Variants in PCDHGB1 observed in about 807,000 individuals in gnomAD.
The protein encoded by PCDHGB1 is protocadherin gamma subfamily B, 1, also known as protocadherin gamma-B1.
Under a neutral mutation model 56.6 loss-of-function variants are expected in PCDHGB1, and 34 were observed. The observed-to-expected ratio is 0.60, with a 90% CI of 0.46 to 0.80. The LOEUF (loss-of-function observed/expected upper bound fraction) is 0.80. Among genes scored for constraint, PCDHGB1 ranks in the 30% least tolerant of loss-of-function variants. The pLI is 0.00. For missense variants in PCDHGB1, 1,278 were observed against 1,204.6 expected (o/e 1.06, Z -0.90); for synonymous variants, 561 against 505.9 (o/e 1.11, Z -1.46).
Position 141,413,600 on chromosome 5 carries a change from T to A in PCDHGB1, c.2409+60931T>A, listed in dbSNP as rs767830855. ...GCTCCAAAATTCCAAGCAGAAAATC[T>A]AGACGTAAAAATTAATGAAAATGTC... On this transcript the variant is annotated intron_variant, in intron 1 of 3. Transcript: ENST00000523390. 2.4e-5 allele frequency: 39 copies of A among 1,613,750 alleles called. No homozygotes were observed. Among genetic ancestry groups the A allele is most frequent in the Non-Finnish European group, 3.3e-5 (39 of 1,179,908 alleles).
intron 1 of PCDHGB1, among the ~76,000 whole-genome samples, chr5:141,463,527 G>C (rs12109431): frequency 1.5e-5 from 2 of 131,102 alleles, no homozygotes; most frequent in Non-Finnish European, 3.1e-5. Context: ...CGGCTTACTA[G>C]AAACTCCGGC....
At chr5:141,357,577 A>T (rs1202708968) in intron 1 of PCDHGB1, 1 of 1,614,198 alleles carries the variant, frequency 6.2e-7, no homozygotes, top group East Asian at 2.2e-5. Flanking sequence ...GCCTCTTCTG[A>T]TAACTCAGGA....
rs2099747616 is a variant in PCDHGB1 at position 141,493,318 on chromosome 5, TA to T, written c.2410-1487del. 6.6e-6 allele frequency among the ~76,000 whole-genome samples: 1 copy of T among 152,234 alleles called. No homozygotes were observed. Among genetic ancestry groups the T allele is most frequent in the South Asian group, 2.1e-4 (1 of 4,828 alleles). On this transcript the variant is annotated intron_variant, in intron 1 of 3. Coordinates refer to ENST00000523390, the MANE Select transcript of PCDHGB1 (RefSeq NM_018922.3). This position sits in a 1 kb window ranked among gnomAD's most constrained non-coding sequence, Gnocchi z 4.3. ...TTCACAGAGCAAGTAAGAGAGATTC[TA>T]ACCCCTGTCTAACTCCAGAATGTGT...
chr5:141,366,058 G>C, intron 1 of PCDHGB1: 2 of 1,614,242 alleles, frequency 1.2e-6, no homozygotes, highest in East Asian at 2.2e-5. Flanking sequence ...CGGGCGTGGA[G>C]CTGGCGCCTC....
rs999687684 is a variant in PCDHGB1 at position 141,431,598 on chromosome 5, C to G, written c.2410-63209C>G. 1 of 1,614,074 alleles carries G rather than the reference C, an allele frequency of 6.2e-7. No individual in the cohort carries two copies. The highest frequency in any genetic ancestry group is 1.3e-5 in the African/African-American group (1 of 74,938). On this transcript the variant is annotated intron_variant, in intron 1 of 3. Transcript: ENST00000523390. This position sits in a 1 kb window ranked among gnomAD's most constrained non-coding sequence, Gnocchi z 4.8. ...GGAGTCAATGCGGAAGTGAGGTATT[C>G]CTTCCGGTATGTGGACGACAAGGCG...
At chr5:141,413,330 T>C (rs770842309) in intron 1 of PCDHGB1, 1 of 1,613,930 alleles carries the variant, frequency 6.2e-7, no homozygotes. Context: ...GTGGGCAACA[T>C]CTCCAAGGAC....
chr5:141,394,435 C>T, intron 1 of PCDHGB1: 1 of 1,614,246 alleles, frequency 6.2e-7, no homozygotes, highest in Non-Finnish European at 8.5e-7. Flanking sequence ...GGGGACCCGC[C>T]CCTCAGCAGC....
At chr5:141,356,958 C>T in intron 1 of PCDHGB1, 1 of 1,614,256 alleles carries the variant, frequency 6.2e-7, no homozygotes, top group Non-Finnish European at 8.5e-7. Context: ...ATTCCGGCTA[C>T]CTGGTGACCA....
At chr5:141,415,477 C>T in intron 1 of PCDHGB1, 1 of 1,614,184 alleles carries the variant, frequency 6.2e-7, no homozygotes, top group Non-Finnish European at 8.5e-7. Flanking sequence ...CGCGGACTCG[C>T]GAAAGAGTCA....
intron 1 of PCDHGB1, chr5:141,389,400 AGCGC>A (rs2150385005): frequency 1.2e-6 from 2 of 1,613,622 alleles, no homozygotes; most frequent in African/African-American, 2.7e-5. Flanking sequence ...CGTGTCCATA[AGCGC>A]GGAGAGCGGG....
At chr5:141,451,238 T>A (rs1167769789) in intron 1 of PCDHGB1, among the ~76,000 whole-genome samples, 6 of 152,214 alleles carry the variant, frequency 3.9e-5, no homozygotes, top group African/African-American at 1.4e-4. Context: ...TATTATCTCA[T>A]AAATTTTGTG....
At chr5:141,386,206 G>A (rs931130731) in intron 1 of PCDHGB1, among the ~76,000 whole-genome samples, 2 of 152,116 alleles carry the variant, frequency 1.3e-5, no homozygotes, top group East Asian at 3.9e-4. Context: ...ACCAGTAGTT[G>A]ATTTTATTTA....
At chr5:141,395,586 G>C (rs1222744910) in intron 1 of PCDHGB1, 1 of 169,736 alleles carries the variant, frequency 5.9e-6, no homozygotes, top group African/African-American at 2.8e-5. Context: ...GTGTGTGTGT[G>C]TGTGTATCCC....
chr5:141,475,008 T>C (rs1292437400), intron 1 of PCDHGB1, among the ~76,000 whole-genome samples: 1 of 152,258 alleles, frequency 6.6e-6, no homozygotes, highest in Admixed American at 6.5e-5. Flanking sequence ...TGCAGAAAAG[T>C]TAAGGCTCTT....
At chr5:141,387,936 T>G (rs200817766) in intron 1 of PCDHGB1, 31,224 of 1,475,552 alleles carry the variant, frequency 0.021, 381 homozygotes, top group Non-Finnish European at 0.026. Flanking sequence ...GCCAGTGCTC[T>G]TTCTCTTCCT....
intron 1 of PCDHGB1, among the ~76,000 whole-genome samples, chr5:141,358,322 G>A (rs1185859053): frequency 6.6e-6 from 1 of 152,192 alleles, no homozygotes; most frequent in Non-Finnish European, 1.5e-5. Context: ...TCTTTCTCAT[G>A]AAGCTATTGT....
rs996556361 is a variant in PCDHGB1, at chr5:141,511,290, A to G, written c.*117A>G. 1.3e-6 allele frequency: 2 copies of G among 1,516,984 alleles called. No homozygotes were observed. The highest frequency in any genetic ancestry group is 1.8e-6 in the Non-Finnish European group (2 of 1,129,124). The allele number at this position is 1,516,984 out of a possible 1,614,324, so 94.0% of individuals were successfully genotyped here. ...AACCCCCAGAATACTGGTAGGGGCC[A>G]AGGCCATGCTCCCCTTGGGAAACAG... is the stretch of plus-strand genomic sequence containing the variant. On this transcript the variant is annotated 3_prime_UTR_variant, in exon 4 of 4. Coordinates refer to ENST00000523390, the MANE Select transcript of PCDHGB1 (RefSeq NM_018922.3).
At chr5:141,497,142 C>T (rs1316569011) in intron 2 of PCDHGB1, among the ~76,000 whole-genome samples, 2 of 149,678 alleles carry the variant, frequency 1.3e-5, no homozygotes, top group South Asian at 2.1e-4. Context: ...GCTGAGATCA[C>T]GAAAAAAAAA....
intron 2 of PCDHGB1, among the ~76,000 whole-genome samples, chr5:141,499,370 AT>A (rs932083472): frequency 2.0e-5 from 3 of 152,170 alleles, no homozygotes. Context: ...TAGCAACTTA[AT>A]TTTTTTCCAC....
Sources: gnomAD v4.1 joint callset for allele counts (sites outside exome capture counted in the v4.1 genomes callset) on GRCh38, gnomAD v4.1.1 for gene constraint, Gnocchi (gnomAD v3.1) non-coding constraint, MANE v1.5 for transcripts, NCBI Gene and HGNC (gene_info 2026-07-23, HGNC 2026-07-21) for gene names.